HIRA: variants seen among roughly 807,000 people sequenced by gnomAD.
HIRA encodes protein HIRA.
In HIRA, 13 loss-of-function variants were observed where a neutral mutation model predicts 126.6. The ratio of observed to expected loss-of-function variants is 0.10; its 90% CI spans 0.07 to 0.16. The LOEUF (loss-of-function observed/expected upper bound fraction) is 0.16, where lower values mean the gene tolerates loss of function less well. Among genes scored for constraint, HIRA ranks in the 10% least tolerant of loss-of-function variants. The pLI is 1.00. For synonymous variants in HIRA, 511 were observed against 520.0 expected, an observed-to-expected ratio of 0.98 and a Z score of 0.24; for missense variants, 834 against 1,314.4, an observed-to-expected ratio of 0.63 and a Z score of 5.65.
rs868919587 is a variant in HIRA, at chr22:19,334,742, T to C, written c.2938-3186A>G. Among the ~76,000 whole-genome samples, 9 of 151,978 alleles carry C rather than the reference T, an allele frequency of 5.9e-5. No homozygotes were observed. The South Asian group carries it at 1.9e-3, about 32-fold the overall frequency. On this transcript the variant is annotated intron_variant, in intron 24 of 24. Coordinates refer to ENST00000263208, the MANE Select transcript of HIRA (RefSeq NM_003325.4). ...GGCAGTCCTTTTACTTTTAAGCCAT[T>C]GTGTTATTACATGTAAGCTGGGTTT...
At chr22:19,362,221 G>A (rs2088870459) in intron 15 of HIRA, among the ~76,000 whole-genome samples, 1 of 152,174 alleles carries the variant, frequency 6.6e-6, no homozygotes, top group African/African-American at 2.4e-5. Context: ...AAGAAAGGAA[G>A]AGTGATGTTA....
Position 19,368,429 on chromosome 22 carries a change from AT to A in HIRA, c.1776-6499del, listed in dbSNP as rs559381485. Among the ~76,000 whole-genome samples the A allele has an allele frequency of 7.1e-3, 1,052 of 147,446 alleles. 7 individuals are homozygous for A. Among genetic ancestry groups the A allele is most frequent in the African/African-American group, 0.019 (752 of 40,548 alleles). ...CAGTGCTCCTCAAAATCCTTTAAAA[AT>A]TTTTTTTTTTTTAAATGTCAGACAT... On this transcript the variant is annotated intron_variant, in intron 15 of 24. Coordinates refer to ENST00000263208, the MANE Select transcript of HIRA (RefSeq NM_003325.4).
intron 16 of HIRA, 77 bp downstream of exon 16, chr22:19,361,650 A>G: frequency 6.9e-7 from 1 of 1,452,520 alleles, no homozygotes; most frequent in Non-Finnish European, 9.6e-7. Flanking sequence ...GCTGAGGCTT[A>G]CCATGCACAC....
chr22:19,365,272 A>T (rs977215971), intron 15 of HIRA, among the ~76,000 whole-genome samples: 2 of 152,232 alleles, frequency 1.3e-5, no homozygotes, highest in African/African-American at 4.8e-5. Context: ...TGAAGGTGGT[A>T]ACACTAAACA....
intron 5 of HIRA, chr22:19,398,934 A>C (rs2089245089): frequency 6.0e-6 from 1 of 165,934 alleles, no homozygotes. Context: ...GCACCACTGC[A>C]CTCCAGGCTG....
intron 13 of HIRA, among the ~76,000 whole-genome samples, chr22:19,383,227 T>C (rs1336231548): frequency 1.3e-5 from 2 of 152,176 alleles, no homozygotes; most frequent in Non-Finnish European, 2.9e-5. Flanking sequence ...TTTTCTTCTT[T>C]GGGCTTTTAC....
intron 24 of HIRA, among the ~76,000 whole-genome samples, chr22:19,336,410 C>A (rs1402131511): frequency 6.6e-6 from 1 of 152,242 alleles, no homozygotes; most frequent in Non-Finnish European, 1.5e-5. Context: ...AAAGTGCCAT[C>A]TCCTGGCTGG....
chr22:19,331,040 C>G lies in HIRA; in HGVS notation c.*400G>C. ...GTCTTAGGTCAGTCTGCTGTAATAC[C>G]TAACGCTTCCGGATTCTCTCTCACA... On this transcript the variant is annotated 3_prime_UTR_variant, in exon 25 of 25. Coordinates refer to ENST00000263208, the MANE Select transcript of HIRA (RefSeq NM_003325.4). 1.2e-6 allele frequency: 1 copy of G among 829,694 alleles called. No homozygotes were observed. The highest frequency in any genetic ancestry group is 1.8e-5 in the South Asian group (1 of 56,998). The allele number at this position is 829,694 out of a possible 1,614,324, so 51.4% of individuals were successfully genotyped here.
chr22:19,364,073 A>G (rs1419521419), intron 15 of HIRA, among the ~76,000 whole-genome samples: 1 of 151,786 alleles, frequency 6.6e-6, no homozygotes, highest in Non-Finnish European at 1.5e-5. Flanking sequence ...TGCTATGGGT[A>G]TGTTGGGGAG....
chr22:19,363,802 G>T (rs1005178277), intron 15 of HIRA, among the ~76,000 whole-genome samples: 1 of 152,162 alleles, frequency 6.6e-6, no homozygotes, highest in Non-Finnish European at 1.5e-5. Flanking sequence ...GGAGGCTGAG[G>T]TAGGAGAATT....
chr22:19,431,402 T>G, intron 1 of HIRA, 38 bp downstream of exon 1: 1 of 1,602,992 alleles, frequency 6.2e-7, no homozygotes, highest in South Asian at 1.1e-5. Context: ...CCGACCCGAC[T>G]CCGGGCTCGG....
Position 19,377,958 on chromosome 22 carries a change from G to A in HIRA, c.1524C>T (p.Thr508=). ...GCTTCGAGGCGCCGAAGGAGTTAGG[G>A]GTACTGGAGTCCAGTGGCAGTAGCT... ...SPQLLPLDSS[T]PNSFGASKPC... The change falls in exon 14 of 25, where the codon ACC becomes ACT. Residue 508 remains threonine, a synonymous_variant. Transcript: ENST00000263208. 1 of 1,613,920 alleles carries A rather than the reference G, an allele frequency of 6.2e-7. No individual in the cohort carries two copies. Among genetic ancestry groups the A allele is most frequent in the Non-Finnish European group, 8.5e-7 (1 of 1,179,910 alleles).
At chr22:19,363,926 G>A (rs5748151) in intron 15 of HIRA, among the ~76,000 whole-genome samples, 4,643 of 152,210 alleles carry the variant, frequency 0.031, 145 homozygotes, top group South Asian at 0.13. Flanking sequence ...AAACTATTCT[G>A]TAAGATATAT....
At chr22:19,352,910 G>A (rs1357399923) in intron 23 of HIRA, among the ~76,000 whole-genome samples, 1 of 152,352 alleles carries the variant, frequency 6.6e-6, no homozygotes, top group African/African-American at 2.4e-5. Flanking sequence ...GAGCTCTGGC[G>A]GGAAGTGCCA....
rs578065608 is a variant in HIRA at position 19,379,402 on chromosome 22, G to A, written c.1416-1336C>T. On this transcript the variant is annotated intron_variant, in intron 13 of 24. Transcript: ENST00000263208. The stretch of plus-strand genomic sequence containing the variant: ...AGCACTTTGGCAGGCCGAGGCGGGT[G>A]GATCACGAGGTCAAGAGTTCGAGAC... Among the ~76,000 whole-genome samples the A allele has an allele frequency of 3.3e-5, 5 of 150,986 alleles. No homozygotes were observed. The East Asian group carries it at 1.0e-3, about 31-fold the overall frequency.
At chr22:19,347,700 A>G (rs1402185040) in intron 24 of HIRA, among the ~76,000 whole-genome samples, 1 of 152,022 alleles carries the variant, frequency 6.6e-6, no homozygotes, top group Non-Finnish European at 1.5e-5. Flanking sequence ...GCACTTCGGG[A>G]GGCTGAGGTG....
In HIRA at chr22:19,331,089, A is replaced by C; in HGVS notation, c.*351T>G. 1 of 1,188,020 alleles carries C rather than the reference A, an allele frequency of 8.4e-7. No individual in the cohort carries two copies. The highest frequency in any genetic ancestry group is 1.1e-6 in the Non-Finnish European group (1 of 926,910). 73.6% of individuals were successfully genotyped at this position (1,188,020 alleles called of 1,614,324 possible). A position where few individuals can be genotyped will look rare whatever the true frequency, so the allele number is the denominator to read the frequency against. ...CAAATGGCTCAATCGTCACTGCTGAAGCAGCATGGTGCCTGCAGCAGCAGG... is the reference window on the plus strand; with the variant it reads ...CAAATGGCTCAATCGTCACTGCTGACGCAGCATGGTGCCTGCAGCAGCAGG... On this transcript the variant is annotated 3_prime_UTR_variant, in exon 25 of 25. Coordinates refer to ENST00000263208, the MANE Select transcript of HIRA (RefSeq NM_003325.4).
intron 14 of HIRA, among the ~76,000 whole-genome samples, chr22:19,376,018 T>G (rs978568415): frequency 6.6e-6 from 1 of 152,186 alleles, no homozygotes; most frequent in Admixed American, 6.5e-5. Context: ...ATTTCCCCCT[T>G]TGCACTGTTC....
chr22:19,378,756 CTAA>C (rs1327699062), intron 13 of HIRA, among the ~76,000 whole-genome samples: 1 of 152,194 alleles, frequency 6.6e-6, no homozygotes, highest in Non-Finnish European at 1.5e-5. Flanking sequence ...TTATGAAATT[CTAA>C]TAATTGTCAT....
Sources: allele counts gnomAD v4.1 joint callset (sites outside exome capture counted in the v4.1 genomes callset), GRCh38; gene constraint gnomAD v4.1.1; transcripts MANE v1.5; gene names NCBI Gene and HGNC (gene_info 2026-07-23, HGNC 2026-07-21).